Variants in MACROD2 observed in about 807,000 individuals in gnomAD.
MACROD2 encodes mono-ADP ribosylhydrolase 2.
Under a neutral mutation model 70.4 loss-of-function variants are expected in MACROD2, and 36 were observed. The observed-to-expected ratio is 0.51, with a 90% confidence interval of 0.39 to 0.68. MACROD2 has a LOEUF of 0.68. Ranked by LOEUF, MACROD2 falls within the 30% of genes least tolerant of loss-of-function variation. The pLI is 0.00. For missense variants in MACROD2, 496 were observed against 538.4 expected (o/e 0.92, Z 0.78); for synonymous variants, 172 against 178.8 (o/e 0.96, Z 0.30).
chr20:14,708,720 C>T (rs536815677), intron 5 of MACROD2, among the ~76,000 whole-genome samples: 55 of 152,252 alleles, frequency 3.6e-4, no homozygotes, highest in South Asian at 2.1e-3. Context: ...CACGTTCAAG[C>T]GATTCTCCTG....
intron 5 of MACROD2, among the ~76,000 whole-genome samples, chr20:15,142,791 T>C (rs1044113206): frequency 9.2e-5 from 14 of 152,086 alleles, no homozygotes; most frequent in African/African-American, 3.4e-4. Context: ...GATAGTTTGC[T>C]GAGAATGATG....
intron 5 of MACROD2, among the ~76,000 whole-genome samples, chr20:14,945,102 TTTTC>T (rs1245971459): frequency 3.9e-5 from 6 of 152,170 alleles, no homozygotes; most frequent in Non-Finnish European, 8.8e-5. Context: ...GCTACTTTTC[TTTTC>T]TTTCTTTCTT....
rs143698878 is a variant in MACROD2, at chr20:14,855,219, G to A, written c.418+170260G>A. On this transcript the variant is annotated intron_variant, in intron 5 of 17. Transcript: ENST00000684519. The stretch of plus-strand genomic sequence containing the variant: ...GAAGACTTCTTTAGGCTTCTTTCCC[G>A]ATGAACTGCAAGATTTTACAGCATC... Among the ~76,000 whole-genome samples, 308 of 152,146 alleles carry A rather than the reference G, an allele frequency of 2.0e-3. 1 individual carries two copies. In the Middle Eastern group the frequency reaches 0.058, roughly 29 times the overall value.
intron 5 of MACROD2, among the ~76,000 whole-genome samples, chr20:14,755,927 C>T (rs1436285402): frequency 1.3e-5 from 2 of 152,046 alleles, no homozygotes; most frequent in Non-Finnish European, 2.9e-5. Context: ...ATTTCTGTAG[C>T]TTTCAAAACT....
At chr20:15,137,943 A>T (rs1211421471) in intron 5 of MACROD2, among the ~76,000 whole-genome samples, 1 of 152,130 alleles carries the variant, frequency 6.6e-6, no homozygotes, top group African/African-American at 2.4e-5. Context: ...CCAGTTATCT[A>T]ATCCTTCCAC....
intron 15 of MACROD2, among the ~76,000 whole-genome samples, chr20:16,009,458 G>T (rs2066832366): frequency 6.6e-6 from 1 of 152,102 alleles, no homozygotes; most frequent in South Asian, 2.1e-4. Flanking sequence ...TTTCTGCTGA[G>T]ATCAAAGCAT....
At chr20:15,125,390 C>A (rs1467663465) in intron 5 of MACROD2, among the ~76,000 whole-genome samples, 2 of 151,964 alleles carry the variant, frequency 1.3e-5, no homozygotes, top group Non-Finnish European at 2.9e-5. Context: ...ATGCCCATAT[C>A]CTAAACGTAG....
At chr20:14,459,673 AAAT>A (rs961304103) in intron 3 of MACROD2, among the ~76,000 whole-genome samples, 9 of 152,044 alleles carry the variant, frequency 5.9e-5, no homozygotes, top group African/African-American at 2.2e-4. Context: ...TAAATGTTAT[AAAT>A]AATGAGCACA....
At chr20:14,109,197 T>C (rs1055455043) in intron 3 of MACROD2, among the ~76,000 whole-genome samples, 2 of 151,930 alleles carry the variant, frequency 1.3e-5, no homozygotes, top group African/African-American at 4.8e-5. Flanking sequence ...AAGAATGAAA[T>C]TGAAACATTT....
At chr20:14,010,690 GA>G (rs35719852) in intron 2 of MACROD2, among the ~76,000 whole-genome samples, 25,534 of 150,302 alleles carry the variant, frequency 0.17, 2,393 homozygotes, top group South Asian at 0.22. Context: ...CACTGGTTTG[GA>G]AGCACTCATC....
chr20:14,072,767 T>C (rs1400801766), intron 2 of MACROD2, among the ~76,000 whole-genome samples: 1 of 151,950 alleles, frequency 6.6e-6, no homozygotes, highest in Non-Finnish European at 1.5e-5. Context: ...ACCCTGTCTC[T>C]ACTAAAAATA....
chr20:15,829,549 G>T (rs190933281), intron 8 of MACROD2, among the ~76,000 whole-genome samples: 4 of 152,274 alleles, frequency 2.6e-5, no homozygotes, highest in Non-Finnish European at 4.4e-5. Flanking sequence ...GCTGTTTGAA[G>T]ATTCTCAAGT....
At chr20:14,019,414 C>T (rs2053039545) in intron 2 of MACROD2, among the ~76,000 whole-genome samples, 1 of 152,112 alleles carries the variant, frequency 6.6e-6, no homozygotes, top group South Asian at 2.1e-4. Flanking sequence ...TGGGACCAGG[C>T]ACGTGCCACC....
At chr20:15,428,246 C>T (rs1316706157) in intron 6 of MACROD2, among the ~76,000 whole-genome samples, 1 of 152,136 alleles carries the variant, frequency 6.6e-6, no homozygotes, top group East Asian at 1.9e-4. Flanking sequence ...AGTAAACTGA[C>T]CCACGTTATG....
chr20:15,579,237 G>A lies in MACROD2; in HGVS notation c.645+79390G>A, dbSNP rs576863058. On this transcript the variant is annotated intron_variant, in intron 8 of 17. Coordinates refer to ENST00000684519, the MANE Select transcript of MACROD2 (RefSeq NM_001351661.2). ...GCTGCTTTGAAATGAGTTATTGGGA[G>A]CCTCAGAAACCCTGAAGAGGTTTGG... Among the ~76,000 whole-genome samples, 26 of 152,236 alleles carry A rather than the reference G, an allele frequency of 1.7e-4. No individual in the cohort carries two copies. In the South Asian group the frequency reaches 3.9e-3, roughly 23 times the overall value.
chr20:14,607,571 A>C (rs1982885494), intron 4 of MACROD2, among the ~76,000 whole-genome samples: 1 of 152,158 alleles, frequency 6.6e-6, no homozygotes, highest in South Asian at 2.1e-4. Context: ...TATTCTGTCC[A>C]TTTCTCACCA....
intron 8 of MACROD2, among the ~76,000 whole-genome samples, chr20:15,624,973 G>A (rs932895931): frequency 6.6e-6 from 1 of 151,992 alleles, no homozygotes; most frequent in African/African-American, 2.4e-5. Flanking sequence ...AGTCTTTTTG[G>A]TATGGTTCTT....
At chr20:14,462,652 G>T (rs1385661992) in intron 3 of MACROD2, among the ~76,000 whole-genome samples, 2 of 152,024 alleles carry the variant, frequency 1.3e-5, no homozygotes, top group African/African-American at 4.8e-5. Flanking sequence ...TTCTTCTAGG[G>T]TTTTTATCAT....
At chr20:14,339,123 A>G (rs1045273428) in intron 3 of MACROD2, among the ~76,000 whole-genome samples, 2 of 152,114 alleles carry the variant, frequency 1.3e-5, no homozygotes, top group African/African-American at 4.8e-5. Flanking sequence ...TAGTTTATCT[A>G]TTTATATATT....
Sources: allele counts gnomAD v4.1 joint callset (sites outside exome capture counted in the v4.1 genomes callset), GRCh38; gene constraint gnomAD v4.1.1; transcripts MANE v1.5; gene names NCBI Gene and HGNC (gene_info 2026-07-23, HGNC 2026-07-21).